KCNQ3: variants seen among roughly 807,000 people sequenced by gnomAD.
KCNQ3 encodes potassium voltage-gated channel subfamily KQT member 3.
In KCNQ3, 30 loss-of-function variants were observed where a neutral mutation model predicts 92.5. That is an observed-to-expected ratio of 0.32 (90% CI 0.24 to 0.44). The LOEUF (loss-of-function observed/expected upper bound fraction) is 0.44. Ranked by LOEUF, KCNQ3 falls within the 20% of genes least tolerant of loss-of-function variation. The pLI, the probability that KCNQ3 is intolerant of heterozygous loss-of-function variation, is 1.00. For synonymous variants in KCNQ3, 450 were observed against 468.8 expected (o/e 0.96, Z 0.52); for missense variants, 913 against 1,140.3 (o/e 0.80, Z 2.87).
intron 9 of KCNQ3, among the ~76,000 whole-genome samples, chr8:132,146,831 T>A (rs1383885684): frequency 6.6e-6 from 1 of 152,188 alleles, no homozygotes; most frequent in African/African-American, 2.4e-5. Context: ...CTAATTTTTG[T>A]ATTTTTAGTA....
intron 1 of KCNQ3, among the ~76,000 whole-genome samples, chr8:132,399,989 A>C (rs1274901419): frequency 6.6e-6 from 1 of 152,310 alleles, no homozygotes; most frequent in Non-Finnish European, 1.5e-5. Flanking sequence ...ACAACAACCT[A>C]CCGGGTGCCC....
chr8:132,170,968 G>A (rs113974188), intron 7 of KCNQ3, among the ~76,000 whole-genome samples: 3,446 of 152,028 alleles, frequency 0.023, 130 homozygotes, highest in African/African-American at 0.077. Context: ...GCAGTGAGCC[G>A]TGATCGCACC....
At chr8:132,291,040 C>T (rs1001797649) in intron 1 of KCNQ3, among the ~76,000 whole-genome samples, 2 of 152,228 alleles carry the variant, frequency 1.3e-5, no homozygotes, top group East Asian at 1.9e-4. Context: ...AGTACAATTG[C>T]GACTGGAAAC....
In KCNQ3 at chr8:132,240,336, GCCA is replaced by G. The variant is rs1318069483; in HGVS notation, c.387-54158_387-54156del. On this transcript the variant is annotated intron_variant, in intron 1 of 14. Transcript: ENST00000388996. ...CGAGTAGCTGGGATTACAGGCATGCGCCACCATGCCCAGCTAACTTTGTATTTT... is the reference window on the plus strand; with the variant it reads ...CGAGTAGCTGGGATTACAGGCATGCGCCATGCCCAGCTAACTTTGTATTTT... Among the ~76,000 whole-genome samples, 3 of 152,130 alleles carry G rather than the reference GCCA, an allele frequency of 2.0e-5. No individual in the cohort carries two copies. In the East Asian group the frequency reaches 5.8e-4, roughly 30 times the overall value.
chr8:132,196,052 T>G (rs1419898977), intron 1 of KCNQ3, among the ~76,000 whole-genome samples: 1 of 152,216 alleles, frequency 6.6e-6, no homozygotes, highest in African/African-American at 2.4e-5. Flanking sequence ...ATTAGTTTTC[T>G]TTCCTAGGCT....
At chr8:132,169,788 C>T (rs1033372587) in intron 8 of KCNQ3, among the ~76,000 whole-genome samples, 8 of 152,186 alleles carry the variant, frequency 5.3e-5, no homozygotes, top group East Asian at 3.8e-4. Flanking sequence ...ACTGATGCTG[C>T]GGCCCCGGCC....
At chr8:132,341,898 G>T (rs1818539910) in intron 1 of KCNQ3, among the ~76,000 whole-genome samples, 1 of 152,122 alleles carries the variant, frequency 6.6e-6, no homozygotes, top group African/African-American at 2.4e-5. Flanking sequence ...TCTAATAAAG[G>T]GGATAATTTT....
At chr8:132,281,877 A>G (rs1166924516) in intron 1 of KCNQ3, among the ~76,000 whole-genome samples, 1 of 152,076 alleles carries the variant, frequency 6.6e-6, no homozygotes, top group Non-Finnish European at 1.5e-5. Context: ...CTTACCTCTC[A>G]TCTCACTGCT....
At chr8:132,154,068 C>T (rs1409065714) in intron 9 of KCNQ3, among the ~76,000 whole-genome samples, 1 of 151,956 alleles carries the variant, frequency 6.6e-6, no homozygotes, top group Admixed American at 6.6e-5. Context: ...TATTATGGGA[C>T]ACTCCCTTCA....
intron 1 of KCNQ3, among the ~76,000 whole-genome samples, chr8:132,441,503 G>T (rs911866784): frequency 6.6e-6 from 1 of 152,130 alleles, no homozygotes; most frequent in African/African-American, 2.4e-5. Context: ...GCCGTGAGCC[G>T]AGATCGCACC....
intron 7 of KCNQ3, among the ~76,000 whole-genome samples, chr8:132,171,116 G>T (rs1405419093): frequency 6.6e-6 from 1 of 152,120 alleles, no homozygotes; most frequent in African/African-American, 2.4e-5. Context: ...ATATATAGGA[G>T]AACAGAGTCT....
chr8:132,168,961 C>T (rs1826224584), intron 8 of KCNQ3, among the ~76,000 whole-genome samples: 1 of 151,898 alleles, frequency 6.6e-6, no homozygotes, highest in African/African-American at 2.4e-5. Context: ...TCTAGGAGTC[C>T]AGCACACTAC....
At chr8:132,379,903 T>TA (rs1819700505) in intron 1 of KCNQ3, among the ~76,000 whole-genome samples, 1 of 151,824 alleles carries the variant, frequency 6.6e-6, no homozygotes, top group Non-Finnish European at 1.5e-5. Flanking sequence ...TTTTTTTTTT[T>TA]TACATTTATT....
At chr8:132,214,431 A>G (rs571939833) in intron 1 of KCNQ3, among the ~76,000 whole-genome samples, 2 of 152,194 alleles carry the variant, frequency 1.3e-5, no homozygotes, top group South Asian at 2.1e-4. Flanking sequence ...TTCAAAATAA[A>G]TCTTAGGTAC....
intron 1 of KCNQ3, among the ~76,000 whole-genome samples, chr8:132,354,862 G>A (rs1563875710): frequency 1.3e-5 from 2 of 152,174 alleles, no homozygotes; most frequent in Non-Finnish European, 1.5e-5. Context: ...GGTAGCCTCT[G>A]CTCTTTACAG....
At chr8:132,476,525 C>T (rs1008079260) in intron 1 of KCNQ3, among the ~76,000 whole-genome samples, 1 of 152,222 alleles carries the variant, frequency 6.6e-6, no homozygotes, top group African/African-American at 2.4e-5. Context: ...AATCAAAGGA[C>T]ATTATTTTGG....
intron 1 of KCNQ3, among the ~76,000 whole-genome samples, chr8:132,187,738 A>ATGGTGGTGGTGGTGGTGGTGATTG (rs1367997864): frequency 7.9e-6 from 1 of 125,934 alleles, no homozygotes. Context: ...GATAGTGATG[A>ATGGTGGTGGTGGTGGTGGTGATTG]TGGTGGTGGT....
At chr8:132,264,606 T>C (rs1008723321) in intron 1 of KCNQ3, among the ~76,000 whole-genome samples, 4 of 152,178 alleles carry the variant, frequency 2.6e-5, no homozygotes, top group Non-Finnish European at 4.4e-5. Flanking sequence ...AAACACGACA[T>C]GTGCCAGGAG....
chr8:132,222,109 T>A (rs1015243006), intron 1 of KCNQ3, among the ~76,000 whole-genome samples: 4 of 152,294 alleles, frequency 2.6e-5, no homozygotes, highest in African/African-American at 7.2e-5. Context: ...CAAAAGAAAC[T>A]ACCATCACAG....
Sources: gnomAD v4.1 joint callset for allele counts (sites outside exome capture counted in the v4.1 genomes callset) on GRCh38, gnomAD v4.1.1 for gene constraint, MANE v1.5 for transcripts, NCBI Gene and HGNC (gene_info 2026-07-23, HGNC 2026-07-21) for gene names.